The following DHX8 variants were observed in gnomAD, a reference collection of about 807,000 sequenced individuals.
DHX8 encodes ATP-dependent RNA helicase DHX8.
A neutral mutation model predicts 140.7 loss-of-function variants in DHX8; 67 were observed. The observed-to-expected ratio is 0.48, with a 90% confidence interval of 0.39 to 0.58. The LOEUF is 0.58. Ranked by LOEUF, DHX8 falls within the 20% of genes least tolerant of loss-of-function variation. The probability of loss-of-function intolerance (pLI) is 0.00; values close to 1 mark genes in which losing one functional copy is unlikely to be tolerated. For missense variants in DHX8, 887 were observed against 1,550.7 expected, an observed-to-expected ratio of 0.57 and a Z score of 7.19; for synonymous variants, 533 against 553.2, an observed-to-expected ratio of 0.96 and a Z score of 0.51.
chr17:43,487,948 G>A (rs550211785), intron 1 of DHX8, among the ~76,000 whole-genome samples: 8 of 152,102 alleles, frequency 5.3e-5, no homozygotes, highest in African/African-American at 1.7e-4. Context: ...CTGTACTCCA[G>A]CCTGAGAGAC....
At chr17:43,536,773 G>A (rs1971264376) in intron 3 of DHX8, among the ~76,000 whole-genome samples, 1 of 152,270 alleles carries the variant, frequency 6.6e-6, no homozygotes, top group African/African-American at 2.4e-5. Context: ...TGGGCTGAAA[G>A]TGGCCCACAG....
chr17:43,508,604 G>C (rs2079674228), intron 16 of DHX8, 84 bp downstream of exon 16: 1 of 900,356 alleles, frequency 1.1e-6, no homozygotes, highest in South Asian at 1.7e-5. Context: ...GGATTGCTTA[G>C]GGTGTATGCA....
At chr17:43,507,316 G>T in intron 13 of DHX8, 119 bp downstream of exon 13, 1 of 1,214,240 alleles carries the variant, frequency 8.2e-7, no homozygotes, top group Non-Finnish European at 1.1e-6. Flanking sequence ...AGGGAGAGAG[G>T]GTTCCCATTG....
At chr17:43,533,919 A>C (rs1355522965) in intron 2 of DHX8, 1 of 1,591,104 alleles carries the variant, frequency 6.3e-7, no homozygotes, top group Non-Finnish European at 8.5e-7. Context: ...GCTGCAGGAC[A>C]GGGCCGGGTC....
chr17:43,500,045 T>G lies in DHX8; in HGVS notation c.1488T>G (p.Ala496=). Residue 496 remains alanine (A), a synonymous_variant, in exon 11 of 23, where the codon GCT becomes GCG. Transcript: ENST00000262415. ...RRELKQAQRE[A]EMDSIPMGLN... ...AACTCAAACAGGCCCAGCGGGAAGC[T>G]GAGATGGATTCTATTCCCATGGGAC... 4 of 1,614,140 alleles carry G rather than the reference T, an allele frequency of 2.5e-6. No homozygotes were observed. Among genetic ancestry groups the G allele is most frequent in the Non-Finnish European group, 3.4e-6 (4 of 1,179,982 alleles).
At chr17:43,538,755 G>C (rs1197719356) in intron 3 of DHX8, among the ~76,000 whole-genome samples, 1 of 152,174 alleles carries the variant, frequency 6.6e-6, no homozygotes, top group Non-Finnish European at 1.5e-5. Flanking sequence ...TCCAGGAAGA[G>C]AGTGGTTCTA....
chr17:43,502,115 C>T lies in DHX8; in HGVS notation c.1546+2012C>T, dbSNP rs144896729. Among the ~76,000 whole-genome samples the T allele has an allele frequency of 8.3e-3, 1,266 of 152,068 alleles. 21 individuals carry two copies. Among genetic ancestry groups the T allele is most frequent in the African/African-American group, 0.029 (1,192 of 41,484 alleles). On this transcript the variant is annotated intron_variant, in intron 11 of 22. Transcript: ENST00000262415. ...TCAAATTCCGTTTTGGACTTGTGTC[C>T]GAGGCAACTAGAGGACATCTTAGGT... is the stretch of plus-strand genomic sequence containing the variant.
intron 3 of DHX8, among the ~76,000 whole-genome samples, chr17:43,540,959 TG>T (rs1214017972): frequency 6.6e-6 from 1 of 152,152 alleles, no homozygotes; most frequent in Non-Finnish European, 1.5e-5. Flanking sequence ...GGTAATGGGC[TG>T]GGGGTATCTC....
intron 9 of DHX8, among the ~76,000 whole-genome samples, chr17:43,498,450 T>C (rs1285436337): frequency 6.7e-6 from 1 of 149,238 alleles, no homozygotes; most frequent in Non-Finnish European, 1.5e-5. Flanking sequence ...CCCGGCCTTT[T>C]TTTTCTTTTT....
At chr17:43,535,637 TAA>T (rs1894291546) in intron 2 of DHX8, among the ~76,000 whole-genome samples, 1 of 152,180 alleles carries the variant, frequency 6.6e-6, no homozygotes, top group Admixed American at 6.5e-5. Flanking sequence ...GTTTTATTAA[TAA>T]TATTGTAAGG....
At chr17:43,507,743 GT>G in intron 14 of DHX8, 55 bp downstream of exon 14, 1 of 1,612,072 alleles carries the variant, frequency 6.2e-7, no homozygotes, top group Non-Finnish European at 8.5e-7. Flanking sequence ...AATTCTGGCA[GT>G]TGGATTTGAG....
rs1385054298 is a variant in DHX8 at position 43,533,074 on chromosome 17, C to T, written c.351-3338C>T. On this transcript the variant is annotated intron_variant, in intron 2 of 3. Coordinates refer to the DHX8 transcript ENST00000589898. ...TTGGGGTGTCAGTATTTCTCCCTTT[C>T]TATTCCACTGCCCCCTGCCTCTACC... is the stretch of plus-strand genomic sequence containing the variant. 6.6e-6 allele frequency: 10 copies of T among 1,504,010 alleles called. No homozygotes were observed. In the Admixed American group the frequency reaches 2.0e-4, roughly 31 times the overall value. The allele number at this position is 1,504,010 out of a possible 1,614,324, so 93.2% of individuals were successfully genotyped here.
intron 8 of DHX8, among the ~76,000 whole-genome samples, chr17:43,494,589 T>C (rs1056838644): frequency 6.6e-6 from 1 of 151,088 alleles, no homozygotes; most frequent in African/African-American, 2.4e-5. Flanking sequence ...GGCGTCATGG[T>C]GCGCGCCTAT....
chr17:43,515,479 G>A (rs559517059), intron 17 of DHX8, among the ~76,000 whole-genome samples: 2 of 152,270 alleles, frequency 1.3e-5, no homozygotes, highest in Admixed American at 6.5e-5. Flanking sequence ...AAGCCACCGC[G>A]CCTGGCCCAA....
At chr17:43,493,918 T>C (rs1210747837) in intron 8 of DHX8, 32 bp downstream of exon 8, 1 of 1,610,718 alleles carries the variant, frequency 6.2e-7, no homozygotes, top group African/African-American at 1.3e-5. Context: ...GACCAGATAG[T>C]CATTCAGCAT....
downstream of DHX8, among the ~76,000 whole-genome samples, chr17:43,531,264 C>T (rs1970921193): frequency 6.6e-6 from 1 of 152,212 alleles, no homozygotes; most frequent in Admixed American, 6.5e-5. Flanking sequence ...GTAACAAAAG[C>T]CAGGAGGAAA....
Position 43,525,011 on chromosome 17 carries a change from C to T in DHX8, c.*1164C>T. The T allele has an allele frequency of 1.0e-6, 1 of 985,054 alleles. No homozygotes were observed. 61.0% of individuals were successfully genotyped at this position (985,054 alleles called of 1,614,324 possible). ...TTCCCACTGTGCTGCCCAGGCTGCT[C>T]TCCAATCCCTGGCGTCAAGCAATCC... On this transcript the variant is annotated 3_prime_UTR_variant, in exon 23 of 23. Transcript: ENST00000262415.
At chr17:43,486,388 G>A (rs1204890063) in intron 1 of DHX8, among the ~76,000 whole-genome samples, 1 of 152,142 alleles carries the variant, frequency 6.6e-6, no homozygotes, top group Non-Finnish European at 1.5e-5. Flanking sequence ...TTTTGGGAGA[G>A]TTGAGATAGT....
At chr17:43,518,527 T>C (rs1407521303) in intron 18 of DHX8, 1 of 152,194 alleles carries the variant, frequency 6.6e-6, no homozygotes, top group African/African-American at 2.4e-5. Flanking sequence ...CTCATAGATA[T>C]ATAGTAGAAA....
Sources: gnomAD v4.1 joint callset for allele counts (sites outside exome capture counted in the v4.1 genomes callset) on GRCh38, gnomAD v4.1.1 for gene constraint, MANE v1.5 for transcripts, NCBI Gene and HGNC (gene_info 2026-07-23, HGNC 2026-07-21) for gene names.